Variants in GOLM2 observed in about 807,000 individuals in gnomAD.
GOLM2 encodes protein GOLM2.
A neutral mutation model predicts 55.9 loss-of-function variants in GOLM2; 26 were observed. The observed-to-expected ratio is 0.47, with a 90% CI of 0.34 to 0.65. The LOEUF (loss-of-function observed/expected upper bound fraction) is 0.65. GOLM2 is among the 30% of genes least tolerant of loss of function. The pLI is 0.01. For missense variants in GOLM2, 486 were observed against 531.8 expected, an observed-to-expected ratio of 0.91 and a Z score of 0.85; for synonymous variants, 165 against 194.6, an observed-to-expected ratio of 0.85 and a Z score of 1.27.
At chr15:44,357,786 C>T (rs954577684) in intron 6 of GOLM2, among the ~76,000 whole-genome samples, 8 of 152,038 alleles carry the variant, frequency 5.3e-5, no homozygotes, top group African/African-American at 1.9e-4. Flanking sequence ...ATTAAAAATA[C>T]AATACCATTT....
At chr15:44,351,602 A>G (rs1186412557) in intron 6 of GOLM2, among the ~76,000 whole-genome samples, 3 of 147,728 alleles carry the variant, frequency 2.0e-5, no homozygotes, top group Non-Finnish European at 4.5e-5. Context: ...AAAAAAACAC[A>G]GACAAACAAA....
intron 8 of GOLM2, among the ~76,000 whole-genome samples, chr15:44,392,527 G>A (rs2141204558): frequency 6.6e-6 from 1 of 151,970 alleles, no homozygotes; most frequent in South Asian, 2.1e-4. Context: ...GGAGGCTGAG[G>A]CTGGAGAATC....
chr15:44,357,300 A>T (rs1414410603), intron 6 of GOLM2, among the ~76,000 whole-genome samples: 1 of 152,260 alleles, frequency 6.6e-6, no homozygotes, highest in Admixed American at 6.5e-5. Flanking sequence ...GCTAAAAAAA[A>T]AATCACATGA....
chr15:44,372,946 C>T (rs534207766), intron 6 of GOLM2, among the ~76,000 whole-genome samples: 144 of 152,234 alleles, frequency 9.5e-4, no homozygotes, highest in African/African-American at 3.4e-3. Context: ...CAAATGATTC[C>T]TCCTCAAAAA....
intron 8 of GOLM2, chr15:44,382,276 T>C (rs1372475249): frequency 1.3e-5 from 2 of 152,136 alleles, no homozygotes; most frequent in African/African-American, 4.8e-5. Flanking sequence ...AAATAAAATA[T>C]CTTAATTTGA....
chr15:44,299,993 G>A (rs2141109124), intron 1 of GOLM2, among the ~76,000 whole-genome samples: 1 of 150,928 alleles, frequency 6.6e-6, no homozygotes, highest in Middle Eastern at 3.4e-3. Context: ...TTAATTGCTT[G>A]GGAGGTTTAA....
At chr15:44,343,739 C>T (rs2141151854) in intron 6 of GOLM2, among the ~76,000 whole-genome samples, 1 of 151,624 alleles carries the variant, frequency 6.6e-6, no homozygotes, top group African/African-American at 2.4e-5. Flanking sequence ...GCAGGAGAAT[C>T]CCTTGAGCCC....
intron 6 of GOLM2, among the ~76,000 whole-genome samples, chr15:44,343,008 G>C (rs2079099299): frequency 6.6e-6 from 1 of 152,174 alleles, no homozygotes; most frequent in African/African-American, 2.4e-5. Flanking sequence ...ACTTAGAACA[G>C]TGCCTGGCAC....
At chr15:44,292,917 C>T (rs912710425) in intron 1 of GOLM2, among the ~76,000 whole-genome samples, 12 of 152,080 alleles carry the variant, frequency 7.9e-5, no homozygotes, top group Non-Finnish European at 1.5e-4. Context: ...TGGGCTCAAG[C>T]GATCCTCCCA....
intron 6 of GOLM2, among the ~76,000 whole-genome samples, chr15:44,369,498 T>C (rs544424732): frequency 6.6e-6 from 1 of 152,132 alleles, no homozygotes; most frequent in East Asian, 1.9e-4. Context: ...TAACTTGGTC[T>C]GTTTTGTTCA....
chr15:44,372,369 A>G (rs1419333530), intron 6 of GOLM2, among the ~76,000 whole-genome samples: 2 of 152,104 alleles, frequency 1.3e-5, no homozygotes, highest in Non-Finnish European at 2.9e-5. Context: ...GGAAGTCTAG[A>G]CAGTTTTGAG....
In GOLM2 at chr15:44,375,531, C is replaced by T. The variant is rs533139212; in HGVS notation, c.803-4159C>T. 1.5e-4 allele frequency among the ~76,000 whole-genome samples: 23 copies of T among 152,254 alleles called. No homozygotes were observed. In the East Asian group the frequency reaches 2.3e-3, roughly 15 times the overall value. ...GTGGCTCATGCCTATAATCCCAGCACTTTGGGAGGCCAGGACAGGAAGATG... is the reference window on the plus strand; with the variant it reads ...GTGGCTCATGCCTATAATCCCAGCATTTTGGGAGGCCAGGACAGGAAGATG... On this transcript the variant is annotated intron_variant, in intron 6 of 9. Coordinates refer to ENST00000299957, the MANE Select transcript of GOLM2 (RefSeq NM_138423.4).
intron 6 of GOLM2, chr15:44,355,415 G>T: frequency 5.8e-6 from 1 of 171,406 alleles, no homozygotes; most frequent in South Asian, 1.2e-4. Context: ...GTCAGTTGTG[G>T]ACCTGACCTG....
chr15:44,334,030 C>T (rs1037392949), intron 4 of GOLM2, among the ~76,000 whole-genome samples: 1 of 152,164 alleles, frequency 6.6e-6, no homozygotes, highest in African/African-American at 2.4e-5. Context: ...CTTCTATTCT[C>T]TTAAGGAATA....
chr15:44,292,201 AT>A (rs201767979), intron 1 of GOLM2, among the ~76,000 whole-genome samples: 1,549 of 119,994 alleles, frequency 0.013, 24 homozygotes, highest in African/African-American at 0.05. Flanking sequence ...ATATATATAT[AT>A]TTTTTTTTTT....
intron 8 of GOLM2, among the ~76,000 whole-genome samples, chr15:44,397,329 A>T (rs2079532949): frequency 6.6e-6 from 1 of 151,864 alleles, no homozygotes; most frequent in Non-Finnish European, 1.5e-5. Context: ...AATACAAAAA[A>T]TTAGCCGGGC....
At chr15:44,391,254 C>T (rs888920796) in intron 8 of GOLM2, among the ~76,000 whole-genome samples, 6 of 152,034 alleles carry the variant, frequency 3.9e-5, no homozygotes, top group African/African-American at 1.4e-4. Flanking sequence ...GTGGCTCACA[C>T]CTGTAATCCC....
At chr15:44,328,829 T>C (rs1009612844) in intron 3 of GOLM2, 42 bp downstream of exon 3, 1 of 1,309,080 alleles carries the variant, frequency 7.6e-7, no homozygotes, top group Non-Finnish European at 1.0e-6. Context: ...ATCTAAAATA[T>C]TTGTCCAGCT....
At position 44,375,734 on chromosome 15, in the gene GOLM2, T is replaced by C. The variant is rs551355498; in HGVS notation, c.803-3956T>C. On this transcript the variant is annotated intron_variant, in intron 6 of 9. Coordinates refer to ENST00000299957, the MANE Select transcript of GOLM2 (RefSeq NM_138423.4). Reference sequence around the variant, plus strand: ...AGGTCGGGGCTCCAGTCAGCTGTGATCACACTGGTGCACTCCAGCCTGAGT... The same window carrying C: ...AGGTCGGGGCTCCAGTCAGCTGTGACCACACTGGTGCACTCCAGCCTGAGT... 3.3e-5 allele frequency among the ~76,000 whole-genome samples: 5 copies of C among 152,246 alleles called. No individual in the cohort carries two copies. In the South Asian group the frequency reaches 1.0e-3, roughly 32 times the overall value.
Sources: allele counts gnomAD v4.1 joint callset (sites outside exome capture counted in the v4.1 genomes callset), GRCh38; gene constraint gnomAD v4.1.1; transcripts MANE v1.5; gene names NCBI Gene and HGNC (gene_info 2026-07-23, HGNC 2026-07-21).